Variants in PTPRN2 observed in about 807,000 individuals in gnomAD.
PTPRN2 encodes the protein receptor-type tyrosine-protein phosphatase N2.
Under a neutral mutation model 118.8 loss-of-function variants are expected in PTPRN2, and 74 were observed. That is an observed-to-expected ratio of 0.62 (90% CI 0.52 to 0.76). PTPRN2 has a LOEUF of 0.76. Ranked by LOEUF, PTPRN2 falls within the 30% of genes least tolerant of loss-of-function variation. PTPRN2 has a pLI of 0.00. For missense variants in PTPRN2, 1,481 were observed against 1,394.4 expected, an observed-to-expected ratio of 1.06 and a Z score of -0.99; for synonymous variants, 641 against 608.0, an observed-to-expected ratio of 1.05 and a Z score of -0.80.
chr7:158,396,670 TTGTGTGCACGTGTGTGTGCATGTTTG>T (rs1422521698), intron 2 of PTPRN2, among the ~76,000 whole-genome samples: 3 of 149,288 alleles, frequency 2.0e-5, no homozygotes, highest in African/African-American at 7.4e-5. Context: ...TGTGTGTGCT[TTGTGTGCACGTGTGTGTGCATGTTTG>T]TGTGTGCACA....
intron 11 of PTPRN2, among the ~76,000 whole-genome samples, chr7:158,045,140 C>G (rs752455970): frequency 3.3e-5 from 5 of 152,176 alleles, no homozygotes; most frequent in Admixed American, 2.0e-4. Flanking sequence ...ACCCAAAAGC[C>G]TCCATGACTG....
At chr7:157,789,692 GTA>G (rs891207636) in intron 12 of PTPRN2, among the ~76,000 whole-genome samples, 7 of 150,912 alleles carry the variant, frequency 4.6e-5, no homozygotes, top group African/African-American at 1.2e-4. Context: ...GTGTGTGGGG[GTA>G]TGTGTGTGTG....
intron 1 of PTPRN2, among the ~76,000 whole-genome samples, chr7:158,500,156 A>C (rs1822253620): frequency 6.6e-6 from 1 of 152,034 alleles, no homozygotes; most frequent in South Asian, 2.1e-4. Flanking sequence ...TGTGGGTGAG[A>C]GGAATCTGCA....
intron 12 of PTPRN2, among the ~76,000 whole-genome samples, chr7:157,768,226 T>C (rs750762235): frequency 1.4e-4 from 21 of 152,224 alleles, no homozygotes; most frequent in Non-Finnish European, 2.4e-4. Flanking sequence ...GAATATCAAA[T>C]CCAGAGCACA....
chr7:157,664,207 T>C (rs2150762373), intron 13 of PTPRN2, among the ~76,000 whole-genome samples: 1 of 152,274 alleles, frequency 6.6e-6, no homozygotes, highest in South Asian at 2.1e-4. Context: ...AACGGAGGCG[T>C]GAGCTTGCTG....
chr7:157,972,745 C>T (rs1802434016), intron 11 of PTPRN2, among the ~76,000 whole-genome samples: 1 of 151,276 alleles, frequency 6.6e-6, no homozygotes. Flanking sequence ...ACCACGGGCA[C>T]TCCACACCAC....
rs945319529 is a variant in PTPRN2, at chr7:158,565,311, AGGGAACTTTGCAAATTACC to A, written c.112+22228_112+22246del. On this transcript the variant is annotated intron_variant, in intron 1 of 22. Transcript: ENST00000389418. The surrounding 1 kb of genome is among the most constrained non-coding windows in gnomAD (Gnocchi z 4.6). ...CAGCTTTTAAATACAACCACACCAA[AGGGAACTTTGCAAATTACC>A]GGGAACTTTGCAAATTCCCAGGAAC... is the stretch of plus-strand genomic sequence containing the variant. Among the ~76,000 whole-genome samples, 48 of 152,324 alleles carry A rather than the reference AGGGAACTTTGCAAATTACC, an allele frequency of 3.2e-4. 1 individual carries two copies. The highest frequency in any genetic ancestry group is 6.8e-3 in the Middle Eastern group (2 of 294).
chr7:158,340,727 CCAT>C (rs141775661), intron 2 of PTPRN2, among the ~76,000 whole-genome samples: 27,679 of 51,592 alleles, frequency 0.54, 8,105 homozygotes, highest in Non-Finnish European at 0.63. Context: ...CCCACACTCA[CCAT>C]AAGAGGTGAC....
In PTPRN2 at chr7:157,977,208, C is replaced by T. The variant is rs557958263; in HGVS notation, c.1724-78471G>A. On this transcript the variant is annotated intron_variant, in intron 11 of 22. Transcript: ENST00000389418. This position sits in a 1 kb window ranked among gnomAD's most constrained non-coding sequence, Gnocchi z 4.6. ...TTGCGTACAGGTGCCGTTCCAGCAC[C>T]GGGGACTCCCTGGTGTGACCCACAG... Among the ~76,000 whole-genome samples, 15 of 151,986 alleles carry T rather than the reference C, an allele frequency of 9.9e-5. 1 individual carries two copies. The South Asian group carries it at 1.9e-3, about 19-fold the overall frequency.
intron 11 of PTPRN2, among the ~76,000 whole-genome samples, chr7:157,901,156 C>A (rs1797413001): frequency 6.6e-6 from 1 of 152,188 alleles, no homozygotes; most frequent in African/African-American, 2.4e-5. Context: ...ACAATCAGCT[C>A]TCACAGGAGT....
chr7:158,388,193 C>A (rs1811652882), intron 2 of PTPRN2, among the ~76,000 whole-genome samples: 1 of 152,076 alleles, frequency 6.6e-6, no homozygotes, highest in African/African-American at 2.4e-5. Context: ...GAACAAGAAG[C>A]CCCTGGACCC....
At chr7:157,565,512 G>A (rs1490401642) in intron 21 of PTPRN2, among the ~76,000 whole-genome samples, 4 of 152,164 alleles carry the variant, frequency 2.6e-5, no homozygotes, top group African/African-American at 9.7e-5. Context: ...TTCCGGCCCA[G>A]GCGCAGACCC....
intron 11 of PTPRN2, among the ~76,000 whole-genome samples, chr7:157,948,668 T>C (rs1367626374): frequency 6.6e-6 from 1 of 152,190 alleles, no homozygotes; most frequent in Non-Finnish European, 1.5e-5. Context: ...ACAGAATACA[T>C]TTTTAAAAGT....
chr7:157,805,804 C>A (rs1368119505), intron 12 of PTPRN2, among the ~76,000 whole-genome samples: 1 of 152,190 alleles, frequency 6.6e-6, no homozygotes, highest in African/African-American at 2.4e-5. Flanking sequence ...GCCCCAGGAG[C>A]CCCCACCTTG....
chr7:157,771,506 CG>C (rs1802801289), intron 12 of PTPRN2, among the ~76,000 whole-genome samples: 1 of 152,216 alleles, frequency 6.6e-6, no homozygotes, highest in African/African-American at 2.4e-5. Flanking sequence ...CACCATGTCA[CG>C]GGTGCAGAGT....
intron 2 of PTPRN2, among the ~76,000 whole-genome samples, chr7:158,348,691 C>G (rs1309784358): frequency 6.6e-6 from 1 of 152,178 alleles, no homozygotes; most frequent in East Asian, 1.9e-4. Flanking sequence ...GGCCCGAATC[C>G]TAACCACCAC....
chr7:158,476,155 C>A (rs1820242878), intron 2 of PTPRN2, among the ~76,000 whole-genome samples: 1 of 152,212 alleles, frequency 6.6e-6, no homozygotes, highest in South Asian at 2.1e-4. Flanking sequence ...CAGGCACATG[C>A]CACCACACCT....
At chr7:157,736,883 AG>A (rs777866661) in intron 12 of PTPRN2, among the ~76,000 whole-genome samples, 1 of 152,184 alleles carries the variant, frequency 6.6e-6, no homozygotes, top group Non-Finnish European at 1.5e-5. Flanking sequence ...TTTGGAGCCA[AG>A]GGGTAACAGT....
At chr7:158,425,259 ACGCGGG>A (rs1292031576) in intron 2 of PTPRN2, among the ~76,000 whole-genome samples, 2 of 16,218 alleles carry the variant, frequency 1.2e-4, no homozygotes, top group African/African-American at 4.1e-4. Context: ...GCCGGGAAAG[ACGCGGG>A]GTCCGAGACC....
Sources: gnomAD v4.1 joint callset for allele counts (sites outside exome capture counted in the v4.1 genomes callset) on GRCh38, gnomAD v4.1.1 for gene constraint, Gnocchi (gnomAD v3.1) non-coding constraint, MANE v1.5 for transcripts, NCBI Gene and HGNC (gene_info 2026-07-23, HGNC 2026-07-21) for gene names.